DPYD: variants seen among roughly 807,000 people sequenced by gnomAD.
DPYD encodes dihydropyrimidine dehydrogenase.
In DPYD, 109 loss-of-function variants were observed where a neutral mutation model predicts 116.2. That is an observed-to-expected ratio of 0.94 (90% CI 0.80 to 1.10). The LOEUF is 1.10. Among genes scored for constraint, DPYD ranks in the 50% least tolerant of loss-of-function variants. DPYD has a pLI of 0.00. For missense variants in DPYD, 1,302 were observed against 1,254.5 expected (o/e 1.04, Z -0.57); for synonymous variants, 440 against 432.0 (o/e 1.02, Z -0.23).
At chr1:97,148,740 A>G (rs184184331) in intron 20 of DPYD, among the ~76,000 whole-genome samples, 66 of 152,302 alleles carry the variant, frequency 4.3e-4, no homozygotes, top group Non-Finnish European at 7.6e-4. Context: ...CACGACAAAC[A>G]TCTTTGAACT....
intron 19 of DPYD, among the ~76,000 whole-genome samples, chr1:97,197,974 A>T (rs7513333): frequency 1.3e-5 from 2 of 152,014 alleles, no homozygotes; most frequent in Non-Finnish European, 2.9e-5. Flanking sequence ...ACGTACCTTT[A>T]CAAAATGAGT....
chr1:97,168,971 T>C (rs1432448731), intron 20 of DPYD, among the ~76,000 whole-genome samples: 1 of 151,794 alleles, frequency 6.6e-6, no homozygotes, highest in Admixed American at 6.6e-5. Flanking sequence ...CTCAGTCTCT[T>C]GGGTAGCTGG....
At chr1:97,817,575 A>C (rs1668694092) in intron 3 of DPYD, among the ~76,000 whole-genome samples, 1 of 152,074 alleles carries the variant, frequency 6.6e-6, no homozygotes, top group African/African-American at 2.4e-5. Context: ...AATTAGAACG[A>C]GTAATAAAAA....
intron 12 of DPYD, among the ~76,000 whole-genome samples, chr1:97,529,985 C>T (rs1039172556): frequency 2.0e-5 from 3 of 148,500 alleles, no homozygotes; most frequent in Admixed American, 6.8e-5. Context: ...CCCAGCATCC[C>T]TCTCACCCAT....
At chr1:97,861,548 T>C (rs1301868241) in intron 2 of DPYD, among the ~76,000 whole-genome samples, 3 of 151,872 alleles carry the variant, frequency 2.0e-5, no homozygotes, top group Non-Finnish European at 4.4e-5. Flanking sequence ...ATTTGTTATA[T>C]AAAGTGCTCT....
intron 21 of DPYD, among the ~76,000 whole-genome samples, chr1:97,091,435 C>T (rs1649890282): frequency 1.3e-5 from 2 of 152,280 alleles, no homozygotes; most frequent in Admixed American, 6.5e-5. Context: ...AATCATGTAG[C>T]AGCAATTACA....
At chr1:97,796,737 G>T (rs768069500) in intron 3 of DPYD, among the ~76,000 whole-genome samples, 33 of 150,878 alleles carry the variant, frequency 2.2e-4, no homozygotes, top group Non-Finnish European at 3.8e-4. Context: ...TACCACAAAA[G>T]TAATAATTAC....
At chr1:97,752,765 C>T (rs939880634) in intron 3 of DPYD, among the ~76,000 whole-genome samples, 1 of 152,160 alleles carries the variant, frequency 6.6e-6, no homozygotes, top group Non-Finnish European at 1.5e-5. Context: ...TCTAATAGCA[C>T]CCCGTGGGTT....
At chr1:97,811,997 A>G (rs1571398385) in intron 3 of DPYD, among the ~76,000 whole-genome samples, 2 of 152,202 alleles carry the variant, frequency 1.3e-5, no homozygotes, top group East Asian at 3.8e-4. Flanking sequence ...TTCTGGTGAT[A>G]ACTTCTTTCT....
At chr1:97,244,216 A>G (rs1216879130) in intron 18 of DPYD, among the ~76,000 whole-genome samples, 2 of 152,042 alleles carry the variant, frequency 1.3e-5, no homozygotes, top group African/African-American at 4.8e-5. Flanking sequence ...TCAGATAATT[A>G]GCAATTTATT....
intron 4 of DPYD, among the ~76,000 whole-genome samples, chr1:97,737,155 G>T (rs1395476265): frequency 6.6e-6 from 1 of 151,958 alleles, no homozygotes; most frequent in African/African-American, 2.4e-5. Flanking sequence ...GAGACATGCT[G>T]GTCAAAGGAG....
intron 2 of DPYD, among the ~76,000 whole-genome samples, chr1:97,869,367 A>C (rs1671549308): frequency 6.6e-6 from 1 of 151,844 alleles, no homozygotes; most frequent in Non-Finnish European, 1.5e-5. Flanking sequence ...ATCTTCTAGG[A>C]AAGAATCCTA....
intron 16 of DPYD, among the ~76,000 whole-genome samples, chr1:97,311,997 G>A (rs1235854912): frequency 6.6e-6 from 1 of 151,734 alleles, no homozygotes; most frequent in Non-Finnish European, 1.5e-5. Context: ...GGGAGCTTTT[G>A]AGGTGTTGGA....
chr1:97,921,047 G>C, upstream of DPYD: 1 of 1,267,976 alleles, frequency 7.9e-7, no homozygotes, highest in Admixed American at 2.2e-5. Context: ...GGCCGGCGGC[G>C]CGGGGGCGGA....
chr1:97,420,902 G>C (rs959443546), intron 14 of DPYD, among the ~76,000 whole-genome samples: 3 of 152,098 alleles, frequency 2.0e-5, no homozygotes, highest in Non-Finnish European at 4.4e-5. Flanking sequence ...TTAATACTCT[G>C]AACTACTATG....
At chr1:97,332,864 T>C (rs765783095) in intron 16 of DPYD, among the ~76,000 whole-genome samples, 2 of 152,168 alleles carry the variant, frequency 1.3e-5, no homozygotes, top group African/African-American at 4.8e-5. Context: ...AAGAACATAT[T>C]AATATGTAAT....
At chr1:97,680,324 T>A (rs1008026651) in intron 7 of DPYD, among the ~76,000 whole-genome samples, 1 of 152,216 alleles carries the variant, frequency 6.6e-6, no homozygotes. Flanking sequence ...ATGTTAGTGG[T>A]CCCTGTCATA....
At chr1:97,883,591 C>T (rs951976363) in intron 1 of DPYD, among the ~76,000 whole-genome samples, 1 of 151,954 alleles carries the variant, frequency 6.6e-6, no homozygotes. Context: ...GGACTACAGG[C>T]GTACGCTACC....
At chr1:97,323,402 GTGTATATGTACACGTATATATACATA>G (rs1156879775) in intron 16 of DPYD, among the ~76,000 whole-genome samples, 4 of 91,000 alleles carry the variant, frequency 4.4e-5, no homozygotes, top group African/African-American at 1.1e-4. Context: ...GTATACATAT[GTGTATATGTACACGTATATATACATA>G]TGTGTATATG....
Sources: allele counts gnomAD v4.1 joint callset (sites outside exome capture counted in the v4.1 genomes callset), GRCh38; gene constraint gnomAD v4.1.1; transcripts MANE v1.5; gene names NCBI Gene and HGNC (gene_info 2026-07-23, HGNC 2026-07-21).